Variants in NRXN1 observed in about 807,000 individuals in gnomAD.
The protein encoded by NRXN1 is neurexin-1.
In NRXN1, 39 loss-of-function variants were observed where a neutral mutation model predicts 150.9. That is an observed-to-expected ratio of 0.26 (90% CI 0.20 to 0.34). NRXN1 has a LOEUF of 0.34. Ranked by LOEUF, NRXN1 falls within the 10% of genes least tolerant of loss-of-function variation. The pLI, the probability that NRXN1 is intolerant of heterozygous loss-of-function variation, is 1.00. For synonymous variants in NRXN1, 924 were observed against 757.0 expected (o/e 1.22, Z -3.62); for missense variants, 1,815 against 1,949.9 (o/e 0.93, Z 1.30).
intron 2 of NRXN1, among the ~76,000 whole-genome samples, chr2:50,983,599 G>A (rs1697187663): frequency 6.6e-6 from 1 of 152,036 alleles, no homozygotes; most frequent in South Asian, 2.1e-4. Context: ...TCCTTCCAGG[G>A]AAAGGCTTCA....
chr2:50,624,531 A>G (rs1559037612), intron 5 of NRXN1, among the ~76,000 whole-genome samples: 1 of 152,118 alleles, frequency 6.6e-6, no homozygotes, highest in Non-Finnish European at 1.5e-5. Context: ...GAGAGACCAT[A>G]GAAAATTATC....
rs535908490 is a variant in NRXN1, at chr2:50,652,020, C to A, written c.833-28405G>T. 2.3e-4 allele frequency among the ~76,000 whole-genome samples: 35 copies of A among 152,162 alleles called. No individual in the cohort carries two copies. The Middle Eastern group carries it at 0.01, about 44-fold the overall frequency. On this transcript the variant is annotated intron_variant, in intron 5 of 22. Transcript: ENST00000401669. ...CCCAGAGTAATGGAGCATTTTCCTG[C>A]AGACACTTGCAGGCTGGGCTAGCAG...
intron 17 of NRXN1, among the ~76,000 whole-genome samples, chr2:50,313,628 G>A (rs968620986): frequency 6.6e-6 from 1 of 152,082 alleles, no homozygotes; most frequent in Non-Finnish European, 1.5e-5. Flanking sequence ...AAGCTGACAA[G>A]AACACCATAC....
intron 5 of NRXN1, among the ~76,000 whole-genome samples, chr2:50,769,081 T>C (rs1472709747): frequency 6.6e-6 from 1 of 152,112 alleles, no homozygotes; most frequent in Non-Finnish European, 1.5e-5. Flanking sequence ...GAAAAACATG[T>C]AAATTGTTCC....
At chr2:50,501,666 G>A (rs1048890425) in intron 13 of NRXN1, among the ~76,000 whole-genome samples, 1 of 151,370 alleles carries the variant, frequency 6.6e-6, no homozygotes, top group African/African-American at 2.4e-5. Context: ...CACAATTCTA[G>A]ATTTTTACAC....
intron 19 of NRXN1, among the ~76,000 whole-genome samples, chr2:50,076,573 A>G (rs1406569312): frequency 6.6e-6 from 1 of 152,238 alleles, no homozygotes. Flanking sequence ...TGTTTGAACT[A>G]GGATTTGAAC....
At chr2:50,054,209 A>G (rs946876642) in intron 20 of NRXN1, among the ~76,000 whole-genome samples, 3 of 151,060 alleles carry the variant, frequency 2.0e-5, no homozygotes, top group Non-Finnish European at 2.9e-5. Flanking sequence ...TATTTTTCTG[A>G]TTGGCTTTCA....
intron 21 of NRXN1, among the ~76,000 whole-genome samples, chr2:49,980,705 G>C (rs537951579): frequency 1.3e-5 from 2 of 152,246 alleles, no homozygotes; most frequent in South Asian, 4.1e-4. Context: ...AGGGCACTTG[G>C]CTGAATTGGT....
intron 18 of NRXN1, among the ~76,000 whole-genome samples, chr2:50,207,017 C>A (rs1277641030): frequency 2.0e-5 from 3 of 151,796 alleles, no homozygotes; most frequent in African/African-American, 4.8e-5. Context: ...AGGTTAAAAA[C>A]AGCTGCTCTT....
chr2:50,657,069 T>C (rs858926), intron 5 of NRXN1, among the ~76,000 whole-genome samples: 140,583 of 152,104 alleles, frequency 0.92, 65,150 homozygotes, highest in African/African-American at 0.98. Context: ...ACTTGTGTGG[T>C]TTCTCGTCTC....
chr2:50,831,607 T>C (rs10167695), intron 5 of NRXN1, among the ~76,000 whole-genome samples: 43,230 of 152,098 alleles, frequency 0.28, 6,293 homozygotes, highest in East Asian at 0.42. Context: ...TGTTAAGATA[T>C]GTACACATTT....
intron 18 of NRXN1, among the ~76,000 whole-genome samples, chr2:50,144,728 A>T (rs947705010): frequency 1.3e-5 from 2 of 151,814 alleles, no homozygotes; most frequent in African/African-American, 2.4e-5. Context: ...TTAAAGGAGA[A>T]ATATCAGGTT....
intron 19 of NRXN1, among the ~76,000 whole-genome samples, chr2:50,077,976 G>A (rs560879141): frequency 2.0e-5 from 3 of 152,044 alleles, no homozygotes; most frequent in South Asian, 4.1e-4. Flanking sequence ...ACTTTAAAAT[G>A]TTTAAAAGTC....
rs1445508434 is a variant in NRXN1 at position 50,451,886 on chromosome 2, TTAG to T, written c.3364+13553_3364+13555del. On this transcript the variant is annotated intron_variant, in intron 17 of 22. Transcript: ENST00000401669. ...ATCCTAGTTTATTGCTGATGTTTAG[TTAG>T]TAGTAGTATTCCTGCCTATATTAAC... Among the ~76,000 whole-genome samples, 172 of 152,314 alleles carry T rather than the reference TTAG, an allele frequency of 1.1e-3. 2 individuals carry two copies. Among genetic ancestry groups the T allele is most frequent in the Non-Finnish European group, 2.5e-4 (17 of 68,026 alleles).
intron 21 of NRXN1, among the ~76,000 whole-genome samples, chr2:49,985,048 T>C (rs568458622): frequency 6.6e-6 from 1 of 152,154 alleles, no homozygotes; most frequent in Non-Finnish European, 1.5e-5. Flanking sequence ...ACAGATCTGG[T>C]TTTACAGCTT....
chr2:50,189,067 C>T (rs550625293), intron 18 of NRXN1, among the ~76,000 whole-genome samples: 1 of 152,082 alleles, frequency 6.6e-6, no homozygotes, highest in Non-Finnish European at 1.5e-5. Flanking sequence ...CACATGCACA[C>T]GTATGTTTAT....
At chr2:50,921,588 C>A (rs1234502948) in intron 5 of NRXN1, among the ~76,000 whole-genome samples, 9 of 151,536 alleles carry the variant, frequency 5.9e-5, no homozygotes, top group Non-Finnish European at 1.2e-4. Context: ...AATGATACTG[C>A]AGAAACTGAC....
chr2:50,447,183 A>G (rs2086491067), intron 17 of NRXN1, among the ~76,000 whole-genome samples: 1 of 152,106 alleles, frequency 6.6e-6, no homozygotes, highest in Non-Finnish European at 1.5e-5. Flanking sequence ...AGATTTAAAA[A>G]GCAATGCTGT....
chr2:50,806,052 T>G (rs147118119), intron 5 of NRXN1, among the ~76,000 whole-genome samples: 5 of 152,202 alleles, frequency 3.3e-5, no homozygotes, highest in Non-Finnish European at 1.5e-5. Flanking sequence ...CACAAATATG[T>G]TTAAATGAAG....
Sources: allele counts gnomAD v4.1 joint callset (sites outside exome capture counted in the v4.1 genomes callset), GRCh38; gene constraint gnomAD v4.1.1; transcripts MANE v1.5; gene names NCBI Gene and HGNC (gene_info 2026-07-23, HGNC 2026-07-21).